Variants in MED6 observed in about 807,000 individuals in gnomAD.
MED6 encodes the protein mediator of RNA polymerase II transcription subunit 6.
Under a neutral mutation model 37.5 loss-of-function variants are expected in MED6, and 33 were observed. The ratio of observed to expected loss-of-function variants is 0.88; its 90% CI spans 0.67 to 1.18. The LOEUF (loss-of-function observed/expected upper bound fraction) is 1.18. Ranked by LOEUF, MED6 falls within the 50% of genes most tolerant of loss-of-function variation. The pLI is 0.00. For missense variants in MED6, 235 were observed against 290.6 expected (o/e 0.81, Z 1.39); for synonymous variants, 94 against 93.6 (o/e 1.00, Z -0.02).
In MED6 at chr14:70,584,933, T is replaced by C; in HGVS notation, c.621A>G (p.Thr207=). 2.5e-6 allele frequency: 4 copies of C among 1,613,830 alleles called. No individual in the cohort carries two copies. The highest frequency in any genetic ancestry group is 3.4e-6 in the Non-Finnish European group (4 of 1,179,912). ...PGEKPVPVDQ[T]KKEAEPIPET... ...CTGGTATAGGTTCTGCCTCTTTCTTTGTTTGATCCACTAGATATCAAAAGT... is the reference window on the plus strand; with the variant it reads ...CTGGTATAGGTTCTGCCTCTTTCTTCGTTTGATCCACTAGATATCAAAAGT... The change falls in exon 8 of 8, where the codon ACA becomes ACG. Residue 207 remains threonine (T), a synonymous_variant. Transcript: ENST00000256379.
Position 70,594,575 on chromosome 14 carries a change from C to T in MED6, c.275-1197G>A, listed in dbSNP as rs12893265. ...GCATGAGTTTCACCACTCACTCCACCTTCTCCAACTACTGGTCCCTGGGCT... is the reference window on the plus strand; with the variant it reads ...GCATGAGTTTCACCACTCACTCCACTTTCTCCAACTACTGGTCCCTGGGCT... On this transcript the variant is annotated intron_variant, in intron 3 of 7. Transcript: ENST00000256379. The T allele has an allele frequency of 2.0e-3, 839 of 411,406 alleles. 8 individuals are homozygous for T. The highest frequency in any genetic ancestry group is 0.016 in the African/African-American group (773 of 48,244). 25.5% of individuals were successfully genotyped at this position (411,406 alleles called of 1,614,324 possible). A position where few individuals can be genotyped will look rare whatever the true frequency, so the allele number is the denominator to read the frequency against.
chr14:70,594,418 A>G (rs142870727), intron 3 of MED6: 2 of 202,968 alleles, frequency 9.9e-6, no homozygotes, highest in East Asian at 1.6e-4. Context: ...CTGATCCTCT[A>G]TTAATTTGAT....
intron 6 of MED6, among the ~76,000 whole-genome samples, chr14:70,587,324 C>A (rs918311120): frequency 4.6e-5 from 7 of 152,146 alleles, no homozygotes; most frequent in African/African-American, 1.7e-4. Flanking sequence ...TAGCTGAGTA[C>A]AACTACATGC....
intron 3 of MED6, chr14:70,595,331 G>A (rs558941187): frequency 1.3e-5 from 7 of 553,282 alleles, no homozygotes; most frequent in South Asian, 4.6e-5. Context: ...AGAACTGAGA[G>A]GAGCTAGACA....
Position 70,592,953 on chromosome 14 carries a change from A to C in MED6, c.393T>G (p.Asp131Glu). Residue 131 changes from aspartate (D) to glutamate (E), a missense_variant, in exon 5 of 8, where the codon GAT (aspartate) becomes GAG (glutamate). Transcript: ENST00000256379. ...GATATCGACAGTATGACATAGCTTC[A>C]TCAAAAGCTGACTGAATACCATGCA... ...TAVHGIQSAF[D>E]EAMSYCRYHP... is the part of the protein sequence containing the mutation. The C allele has an allele frequency of 3.1e-6, 5 of 1,613,882 alleles. No individual in the cohort carries two copies. Among genetic ancestry groups the C allele is most frequent in the Non-Finnish European group, 4.2e-6 (5 of 1,179,864 alleles).
chr14:70,592,842 CA>C (rs1566676026), intron 5 of MED6, 37 bp downstream of exon 5: 9 of 1,604,326 alleles, frequency 5.6e-6, no homozygotes, highest in Non-Finnish European at 5.1e-6. Context: ...CTCAGAGGAT[CA>C]AAAAGTGTTT....
intron 1 of MED6, among the ~76,000 whole-genome samples, chr14:70,598,385 G>C (rs539785822): frequency 6.6e-5 from 10 of 152,256 alleles, no homozygotes; most frequent in African/African-American, 2.4e-4. Flanking sequence ...TGTGGCAGGA[G>C]AATCACTTGG....
At chr14:70,585,183 T>C (rs1363862788) in intron 7 of MED6, among the ~76,000 whole-genome samples, 1 of 152,218 alleles carries the variant, frequency 6.6e-6, no homozygotes, top group South Asian at 2.1e-4. Context: ...AGACAGTATG[T>C]AAAAACAAGA....
intron 3 of MED6, chr14:70,595,405 G>A (rs1324062018): frequency 1.8e-5 from 10 of 566,212 alleles, no homozygotes; most frequent in African/African-American, 1.3e-4. Flanking sequence ...GCCAAGGTTG[G>A]GGTTGCTAAG....
chr14:70,584,339 A>T lies in MED6; in HGVS notation c.*474T>A. The T allele has an allele frequency of 2.0e-6, 1 of 500,422 alleles. No individual in the cohort carries two copies. The highest frequency in any genetic ancestry group is 3.5e-6 in the Non-Finnish European group (1 of 282,486). The allele number at this position is 500,422 out of a possible 1,614,324, so 31.0% of individuals were successfully genotyped here. A position where few individuals can be genotyped will look rare whatever the true frequency, so the allele number is the denominator to read the frequency against. ...GGAGAGGAAAGGTTACAGAAGACAT[A>T]TAACAAATATTCACAAGAAATCATG... On this transcript the variant is annotated 3_prime_UTR_variant, in exon 8 of 8. Coordinates refer to ENST00000256379, the MANE Select transcript of MED6 (RefSeq NM_005466.4).
rs1566672461 is a variant in MED6 at position 70,584,148 on chromosome 14, T to A, written c.*665A>T. ...TTATGTAACTGAACAAAAAGAAATA[T>A]GCTTAGTTACTACTTTAACATCCTT... On this transcript the variant is annotated 3_prime_UTR_variant, in exon 8 of 8. Coordinates refer to ENST00000256379, the MANE Select transcript of MED6 (RefSeq NM_005466.4). 1.3e-6 allele frequency: 1 copy of A among 751,146 alleles called. No homozygotes were observed. The highest frequency in any genetic ancestry group is 2.4e-6 in the Non-Finnish European group (1 of 413,222). The allele number at this position is 751,146 out of a possible 1,614,324, so 46.5% of individuals were successfully genotyped here.
intron 1 of MED6, 86 bp from the exon 2 acceptor site, chr14:70,597,863 T>A: frequency 9.2e-7 from 1 of 1,088,078 alleles, no homozygotes; most frequent in Non-Finnish European, 1.3e-6. Context: ...TCAAATGTAG[T>A]AGGCACTATG....
At chr14:70,595,728 A>G in intron 3 of MED6, 1 of 733,124 alleles carries the variant, frequency 1.4e-6, no homozygotes, top group Middle Eastern at 3.8e-4. Context: ...CGCCCTGGAC[A>G]GCAGCAACTC....
At chr14:70,596,200 C>A (rs1885040845) in intron 3 of MED6, 1 of 180,100 alleles carries the variant, frequency 5.6e-6, no homozygotes, top group African/African-American at 2.4e-5. Flanking sequence ...GATGTCCAAG[C>A]AACCAACCCT....
chr14:70,593,085 T>C, intron 4 of MED6, 97 bp from the exon 5 acceptor site: 2 of 1,515,182 alleles, frequency 1.3e-6, no homozygotes, highest in Admixed American at 1.8e-5. Flanking sequence ...AGACAGAACC[T>C]ATTTTTCAGA....
intron 1 of MED6, among the ~76,000 whole-genome samples, chr14:70,599,317 G>T (rs920961863): frequency 1.3e-5 from 2 of 152,238 alleles, no homozygotes; most frequent in African/African-American, 4.8e-5. Context: ...AATTAGTATA[G>T]ACCATTTAGA....
At position 70,584,294 on chromosome 14, in the gene MED6, G is replaced by A. The variant is rs1054748112; in HGVS notation, c.*519C>T. ...CATATCTACCAGTAAACATGTGAGTGTGTAGGTTGCTCAAGTCCGGGAGAG... is the reference window on the plus strand; with the variant it reads ...CATATCTACCAGTAAACATGTGAGTATGTAGGTTGCTCAAGTCCGGGAGAG... On this transcript the variant is annotated 3_prime_UTR_variant, in exon 8 of 8. Transcript: ENST00000256379. The A allele has an allele frequency of 1.5e-5, 9 of 584,788 alleles. No homozygotes were observed. Among genetic ancestry groups the A allele is most frequent in the Non-Finnish European group, 2.4e-5 (8 of 327,962 alleles). 36.2% of individuals were successfully genotyped at this position (584,788 alleles called of 1,614,324 possible).
At chr14:70,594,155 G>C (rs1884971881) in intron 3 of MED6, among the ~76,000 whole-genome samples, 1 of 152,172 alleles carries the variant, frequency 6.6e-6, no homozygotes, top group South Asian at 2.1e-4. Context: ...GTATCCAATT[G>C]AGAGATGTAG....
At chr14:70,588,680 C>T (rs892827176) in intron 6 of MED6, among the ~76,000 whole-genome samples, 6 of 139,060 alleles carry the variant, frequency 4.3e-5, no homozygotes, top group Non-Finnish European at 9.3e-5. Context: ...AGTGAGACTC[C>T]GTCTCAAAAA....
Sources: allele counts gnomAD v4.1 joint callset (sites outside exome capture counted in the v4.1 genomes callset), GRCh38; gene constraint gnomAD v4.1.1; transcripts MANE v1.5; gene names NCBI Gene and HGNC (gene_info 2026-07-23, HGNC 2026-07-21).